ARGLU1: variants seen among roughly 807,000 people sequenced by gnomAD.
ARGLU1 encodes arginine and glutamate rich 1.
A neutral mutation model predicts 37.6 loss-of-function variants in ARGLU1; 9 were observed. The ratio of observed to expected loss-of-function variants is 0.24; its 90% CI spans 0.14 to 0.42. ARGLU1 has a LOEUF of 0.42. Among genes scored for constraint, ARGLU1 ranks in the 10% least tolerant of loss-of-function variants. The pLI is 1.00. For missense variants in ARGLU1, 211 were observed against 359.2 expected, an observed-to-expected ratio of 0.59 and a Z score of 3.34; for synonymous variants, 166 against 138.5, an observed-to-expected ratio of 1.20 and a Z score of -1.39.
At chr13:106,566,563 GAGC>G (rs1880969749) in intron 1 of ARGLU1, among the ~76,000 whole-genome samples, 1 of 152,142 alleles carries the variant, frequency 6.6e-6, no homozygotes, top group Non-Finnish European at 1.5e-5. Flanking sequence ...TGAATACCCA[GAGC>G]ATCAAAGTAC....
Position 106,543,944 on chromosome 13 carries a change from TACCA to T in ARGLU1, c.*48_*51del. The T allele has an allele frequency of 6.7e-7, 1 of 1,503,046 alleles. No individual in the cohort carries two copies. The highest frequency in any genetic ancestry group is 2.5e-5 in the East Asian group (1 of 40,266). The allele number at this position is 1,503,046 out of a possible 1,614,324, so 93.1% of individuals were successfully genotyped here. ...ACAAAAAACCACTTCAACATGAAGC[TACCA>T]TACAAAGTTTTTCCATTTTTCTTTG... On this transcript the variant is annotated 3_prime_UTR_variant, in exon 4 of 4. Transcript: ENST00000400198.
chr13:106,556,925 A>C (rs1880674119), intron 3 of ARGLU1, 123 bp downstream of exon 3: 1 of 770,094 alleles, frequency 1.3e-6, no homozygotes, highest in Non-Finnish European at 2.2e-6. Context: ...AAGCCTTTAA[A>C]GTTAGTCCTG....
chr13:106,546,353 A>G (rs1024702669), intron 3 of ARGLU1, among the ~76,000 whole-genome samples: 15 of 152,322 alleles, frequency 9.8e-5, no homozygotes, highest in African/African-American at 3.1e-4. Flanking sequence ...AAGATTTTCT[A>G]TAACCTGGCT....
intron 1 of ARGLU1, 27 bp from the exon 2 acceptor site, chr13:106,559,684 TTAGG>T: frequency 6.3e-7 from 1 of 1,591,826 alleles, no homozygotes; most frequent in Non-Finnish European, 8.5e-7. Context: ...AAAAAACAAG[TTAGG>T]TATTTACTTT....
intron 3 of ARGLU1, among the ~76,000 whole-genome samples, chr13:106,554,504 G>A (rs1040032411): frequency 2.0e-5 from 3 of 152,148 alleles, no homozygotes; most frequent in East Asian, 1.9e-4. Context: ...AACGTGTACC[G>A]TGCCATCTTT....
chr13:106,564,786 C>T (rs1880914778), intron 1 of ARGLU1, among the ~76,000 whole-genome samples: 1 of 152,174 alleles, frequency 6.6e-6, no homozygotes, highest in Non-Finnish European at 1.5e-5. Context: ...TACAGTATAT[C>T]CAAAACTAGT....
Position 106,546,585 on chromosome 13 carries a change from TAATA to T in ARGLU1, c.658-2429_658-2426del, listed in dbSNP as rs61609993. On this transcript the variant is annotated intron_variant, in intron 3 of 3. Coordinates refer to ENST00000400198, the MANE Select transcript of ARGLU1 (RefSeq NM_018011.4). ...ATATGCCAATCACTTTATCCAGTTT[TAATA>T]AATCATCACAAATTTGGGGTAAGAG... 4.4e-3 allele frequency among the ~76,000 whole-genome samples: 671 copies of T among 152,316 alleles called. 22 individuals carry two copies. The East Asian group carries it at 0.085, about 19-fold the overall frequency.
At chr13:106,562,854 A>ATAAATAAAT (rs34334892) in intron 1 of ARGLU1, among the ~76,000 whole-genome samples, 5 of 150,996 alleles carry the variant, frequency 3.3e-5, no homozygotes, top group African/African-American at 9.7e-5. Context: ...AAATAAATAA[A>ATAAATAAAT]AAATAAAAAT....
At chr13:106,558,830 T>C (rs1458205183) in intron 2 of ARGLU1, 1 of 985,392 alleles carries the variant, frequency 1.0e-6, no homozygotes, top group African/African-American at 1.7e-5. Context: ...CCTAAAAAGA[T>C]TCCTTGAAAC....
chr13:106,552,640 A>AT (rs1260439608), intron 3 of ARGLU1, among the ~76,000 whole-genome samples: 2 of 152,200 alleles, frequency 1.3e-5, no homozygotes, highest in Non-Finnish European at 2.9e-5. Flanking sequence ...AGTATCTGAG[A>AT]TTTTCCCAGG....
At chr13:106,544,222 G>T in intron 3 of ARGLU1, 62 bp from the exon 4 acceptor site, 1 of 1,394,618 alleles carries the variant, frequency 7.2e-7, no homozygotes, top group East Asian at 2.7e-5. Context: ...ATGTACCCCT[G>T]CAACAGGTGT....
At chr13:106,546,415 C>T (rs778040322) in intron 3 of ARGLU1, among the ~76,000 whole-genome samples, 3 of 152,166 alleles carry the variant, frequency 2.0e-5, no homozygotes, top group East Asian at 1.9e-4. Flanking sequence ...CTTGTTCCCC[C>T]GTCTTTTGCT....
At position 106,567,465 on chromosome 13, in the gene ARGLU1, GACCGTCCCCGCCATTCTCCCGGCCCGC is replaced by G; in HGVS notation, c.347+81_347+107del. The G allele has an allele frequency of 1.3e-6, 1 of 774,618 alleles. No individual in the cohort carries two copies. The highest frequency in any genetic ancestry group is 2.0e-6 in the Non-Finnish European group (1 of 507,094). The allele number at this position is 774,618 out of a possible 1,614,324, so 48.0% of individuals were successfully genotyped here. On this transcript the variant is annotated intron_variant, in intron 1 of 3. Transcript: ENST00000400198. This position sits in a 1 kb window ranked among gnomAD's most constrained non-coding sequence, Gnocchi z 4.3. ...TTCCCGCGCCCGGTCCCCAGCCCCG[GACCGTCCCCGCCATTCTCCCGGCCCGC>G]ACCGTCCCGCCCCGGCCCCACGCCC...
chr13:106,567,883 T>A lies in ARGLU1; in HGVS notation c.37A>T (p.Lys13Ter). ...TTGTGCTTGCTGCTCTTGGTGTGCT[T>A]GGAGCGGGACGAGCTCCGGCTCCGA... ...RSRSRSSSRSKHTKSSKHNKK... is the reference protein window; with the variant it reads ...RSRSRSSSRS The change falls in exon 1 of 4, where the codon AAG (lysine) becomes TAG (stop). Residue 13 changes from lysine (K) to a stop codon, truncating the protein, a stop_gained. Coordinates refer to ENST00000400198, the MANE Select transcript of ARGLU1 (RefSeq NM_018011.4). LOFTEE classifies it high-confidence loss of function. This position sits in a 1 kb window ranked among gnomAD's most constrained non-coding sequence, Gnocchi z 4.3. The A allele has an allele frequency of 6.2e-7, 1 of 1,611,490 alleles. No homozygotes were observed. Among genetic ancestry groups the A allele is most frequent in the Non-Finnish European group, 8.5e-7 (1 of 1,179,666 alleles).
chr13:106,543,655 G>A lies in ARGLU1; in HGVS notation c.*341C>T. On this transcript the variant is annotated 3_prime_UTR_variant, in exon 4 of 4. Coordinates refer to ENST00000400198, the MANE Select transcript of ARGLU1 (RefSeq NM_018011.4). ...AACCAGCATTATGATGTAGCAAACA[G>A]AGTATAACTCTGAAGTCAGTGGGGT... 5.9e-6 allele frequency: 1 copy of A among 169,746 alleles called. No individual in the cohort carries two copies. The highest frequency in any genetic ancestry group is 1.3e-5 in the Non-Finnish European group (1 of 79,994). The allele number at this position is 169,746 out of a possible 1,614,324, so 10.5% of individuals were successfully genotyped here.
intron 1 of ARGLU1, among the ~76,000 whole-genome samples, chr13:106,563,008 AC>A (rs369191622): frequency 0.16 from 17,148 of 108,148 alleles, 1,974 homozygotes; most frequent in South Asian, 0.22. Context: ...AAAAAAAAAA[AC>A]AAAAAAAAAA....
chr13:106,553,055 TAAAAGTC>T (rs1880572762), intron 3 of ARGLU1, among the ~76,000 whole-genome samples: 1 of 152,172 alleles, frequency 6.6e-6, no homozygotes, highest in African/African-American at 2.4e-5. Context: ...AAAGGCTACT[TAAAAGTC>T]AAAAGTATGA....
chr13:106,552,275 A>T (rs1880550681), intron 3 of ARGLU1, among the ~76,000 whole-genome samples: 1 of 152,246 alleles, frequency 6.6e-6, no homozygotes, highest in Non-Finnish European at 1.5e-5. Flanking sequence ...CTATTTCATT[A>T]GTAAAGAGAT....
intron 1 of ARGLU1, among the ~76,000 whole-genome samples, chr13:106,564,883 T>C (rs1235884125): frequency 6.6e-6 from 1 of 152,228 alleles, no homozygotes; most frequent in African/African-American, 2.4e-5. Context: ...TACCAGTACC[T>C]GCCACATGGT....
Sources: gnomAD v4.1 joint callset for allele counts (sites outside exome capture counted in the v4.1 genomes callset) on GRCh38, gnomAD v4.1.1 for gene constraint, Gnocchi (gnomAD v3.1) non-coding constraint, MANE v1.5 for transcripts, NCBI Gene and HGNC (gene_info 2026-07-23, HGNC 2026-07-21) for gene names.